The following GPC6 variants were observed in gnomAD, a reference collection of about 807,000 sequenced individuals.
GPC6 encodes the protein glypican-6.
A neutral mutation model predicts 55.2 loss-of-function variants in GPC6; 14 were observed. That is an observed-to-expected ratio of 0.25 (90% CI 0.17 to 0.40). GPC6 has a LOEUF of 0.40. Ranked by LOEUF, GPC6 falls within the 10% of genes least tolerant of loss-of-function variation. GPC6 has a pLI of 1.00. For synonymous variants in GPC6, 278 were observed against 259.6 expected (o/e 1.07, Z -0.68); for missense variants, 641 against 708.5 (o/e 0.90, Z 1.08).
chr13:93,456,332 G>C (rs768603440), intron 1 of GPC6, among the ~76,000 whole-genome samples: 49 of 152,078 alleles, frequency 3.2e-4, no homozygotes, highest in Non-Finnish European at 3.8e-4. Flanking sequence ...CTTTAATTTT[G>C]AACAGAAGCA....
intron 6 of GPC6, among the ~76,000 whole-genome samples, chr13:94,308,391 C>T (rs1227924329): frequency 2.0e-5 from 3 of 152,134 alleles, no homozygotes; most frequent in South Asian, 2.1e-4. Context: ...GTTCAAAATG[C>T]TCTAGCTATA....
At chr13:93,280,883 A>G (rs567240169) in intron 1 of GPC6, among the ~76,000 whole-genome samples, 2 of 152,310 alleles carry the variant, frequency 1.3e-5, no homozygotes, top group East Asian at 1.9e-4. Flanking sequence ...CCCGGTTCAC[A>G]ACAGGGTTCG....
chr13:94,352,482 G>A (rs986903632), intron 6 of GPC6, among the ~76,000 whole-genome samples: 1 of 151,474 alleles, frequency 6.6e-6, no homozygotes, highest in Non-Finnish European at 1.5e-5. Context: ...TCCTAGAGGA[G>A]AGTGAGGCCC....
At position 93,490,536 on chromosome 13, in the gene GPC6, T is replaced by C. The variant is rs1594208214; in HGVS notation, c.161-54727T>C. The stretch of plus-strand genomic sequence containing the variant: ...TGAGTTTTTTTTTTTTTTATTATTA[T>C]ACTTTAAGTTTTAGGGTACATGTGC... On this transcript the variant is annotated intron_variant, in intron 1 of 8. Transcript: ENST00000377047. Among the ~76,000 whole-genome samples, 2 of 141,962 alleles carry C rather than the reference T, an allele frequency of 1.4e-5. 1 individual carries two copies. Among genetic ancestry groups the C allele is most frequent in the African/African-American group, 5.1e-5 (2 of 39,450 alleles). The allele number at this position is 141,962 out of a possible 152,430, so 93.1% of individuals were successfully genotyped here.
intron 4 of GPC6, among the ~76,000 whole-genome samples, chr13:94,086,200 A>G (rs1885276333): frequency 6.6e-6 from 1 of 152,238 alleles, no homozygotes; most frequent in Non-Finnish European, 1.5e-5. Context: ...AAAGAGGATT[A>G]CATAAAGATT....
intron 6 of GPC6, among the ~76,000 whole-genome samples, chr13:94,381,627 G>A (rs1713644980): frequency 6.6e-6 from 1 of 152,154 alleles, no homozygotes; most frequent in African/African-American, 2.4e-5. Flanking sequence ...TTAAGGGGAG[G>A]AAAAGAATTC....
intron 3 of GPC6, among the ~76,000 whole-genome samples, chr13:93,895,993 A>G (rs967205279): frequency 1.3e-5 from 2 of 152,096 alleles, no homozygotes; most frequent in Admixed American, 6.6e-5. Flanking sequence ...TAGGGTGACT[A>G]TAATTAACAA....
intron 3 of GPC6, among the ~76,000 whole-genome samples, chr13:93,861,755 T>A (rs1462074340): frequency 6.6e-6 from 1 of 151,682 alleles, no homozygotes; most frequent in Non-Finnish European, 1.5e-5. Context: ...AGAACTCTGG[T>A]CTAAAAATCA....
At chr13:94,043,196 C>A (rs1883604032) in intron 4 of GPC6, among the ~76,000 whole-genome samples, 1 of 151,728 alleles carries the variant, frequency 6.6e-6, no homozygotes, top group South Asian at 2.1e-4. Flanking sequence ...GCACTAGTTC[C>A]TTTATTGGAG....
chr13:93,553,972 TAAAAAA>T (rs35301097), intron 2 of GPC6, among the ~76,000 whole-genome samples: 1 of 134,140 alleles, frequency 7.5e-6, no homozygotes, highest in African/African-American at 2.9e-5. Context: ...CCGTCTCTAC[TAAAAAA>T]AAAAAAAAAA....
chr13:93,827,924 A>G (rs1421271338), intron 2 of GPC6, among the ~76,000 whole-genome samples: 2 of 152,112 alleles, frequency 1.3e-5, no homozygotes, highest in Non-Finnish European at 1.5e-5. Context: ...TGTTACCCTC[A>G]GTAAAAGAGA....
At chr13:94,161,376 A>T (rs1010223974) in intron 4 of GPC6, among the ~76,000 whole-genome samples, 24 of 152,216 alleles carry the variant, frequency 1.6e-4, no homozygotes, top group African/African-American at 5.8e-4. Context: ...TGACAGAGGT[A>T]GATTGGCATA....
rs185022472 is a variant in GPC6, at chr13:94,288,843, A to T, written c.1008+2364A>T. Among the ~76,000 whole-genome samples, 221 of 50,558 alleles carry T rather than the reference A, an allele frequency of 4.4e-3. 5 individuals carry two copies. The highest frequency in any genetic ancestry group is 5.9e-3 in the African/African-American group (63 of 10,718). The allele number at this position is 50,558 out of a possible 152,430, so 33.2% of individuals were successfully genotyped here. On this transcript the variant is annotated intron_variant, in intron 5 of 8. Coordinates refer to ENST00000377047, the MANE Select transcript of GPC6 (RefSeq NM_005708.5). Reference sequence around the variant, plus strand: ...AATATATATATTTGTTATATATAACAAATATATATAATAAATATATATATT... The same window carrying T: ...AATATATATATTTGTTATATATAACTAATATATATAATAAATATATATATT...
chr13:94,357,535 T>G (rs2139176270), intron 6 of GPC6, among the ~76,000 whole-genome samples: 1 of 152,326 alleles, frequency 6.6e-6, no homozygotes, highest in African/African-American at 2.4e-5. Flanking sequence ...CTTGGCCAAC[T>G]GATGGTACCC....
chr13:94,365,132 T>C (rs1468567701), intron 6 of GPC6, among the ~76,000 whole-genome samples: 2 of 152,274 alleles, frequency 1.3e-5, no homozygotes, highest in African/African-American at 4.8e-5. Context: ...CCCACAACCA[T>C]GATGAATAGG....
intron 2 of GPC6, among the ~76,000 whole-genome samples, chr13:93,613,369 G>A (rs755612804): frequency 6.6e-6 from 1 of 152,198 alleles, no homozygotes; most frequent in Admixed American, 6.5e-5. Flanking sequence ...TGGGCTCTGA[G>A]TATTGGACGT....
chr13:93,385,304 C>T (rs544805098), intron 1 of GPC6, among the ~76,000 whole-genome samples: 20 of 152,310 alleles, frequency 1.3e-4, no homozygotes, highest in Middle Eastern at 3.4e-3. Context: ...ATGCCATAGG[C>T]GAGGTTGGCA....
intron 1 of GPC6, among the ~76,000 whole-genome samples, chr13:93,464,144 C>T (rs1168873397): frequency 2.0e-5 from 3 of 152,124 alleles, no homozygotes; most frequent in Non-Finnish European, 4.4e-5. Flanking sequence ...ATCGTCTGAT[C>T]CTTCAGTAAA....
intron 4 of GPC6, among the ~76,000 whole-genome samples, chr13:94,031,105 CGTGCATGTGTGTGT>C (rs1411294852): frequency 6.9e-6 from 1 of 145,536 alleles, no homozygotes; most frequent in Non-Finnish European, 1.5e-5. Flanking sequence ...TGTGTGTGTG[CGTGCATGTGTGTGT>C]GTGTGTGTGT....
Sources: gnomAD v4.1 joint callset for allele counts (sites outside exome capture counted in the v4.1 genomes callset) on GRCh38, gnomAD v4.1.1 for gene constraint, MANE v1.5 for transcripts, NCBI Gene and HGNC (gene_info 2026-07-23, HGNC 2026-07-21) for gene names.